The following SLC6A13 variants were observed in gnomAD, a reference collection of about 807,000 sequenced individuals.
The protein encoded by SLC6A13 is solute carrier family 6 member 13, also known as sodium- and chloride-dependent GABA transporter 2.
In SLC6A13, 69 loss-of-function variants were observed where a neutral mutation model predicts 72.9. That is an observed-to-expected ratio of 0.95 (90% CI 0.78 to 1.16). The LOEUF is 1.16. Among genes scored for constraint, SLC6A13 ranks in the 50% most tolerant of loss-of-function variants. The pLI is 0.00. For missense variants in SLC6A13, 735 were observed against 760.5 expected (o/e 0.97, Z 0.39); for synonymous variants, 303 against 303.0 (o/e 1.00, Z 0.00).
intron 8 of SLC6A13, 130 bp downstream of exon 8, chr12:227,435 G>C: frequency 6.7e-7 from 1 of 1,483,514 alleles, no homozygotes; most frequent in African/African-American, 1.4e-5. Context: ...CTGGGGTGTT[G>C]GATATGGGGG....
chr12:251,747 G>T (rs556680063), intron 2 of SLC6A13, among the ~76,000 whole-genome samples: 2 of 151,862 alleles, frequency 1.3e-5, no homozygotes, highest in Non-Finnish European at 2.9e-5. Flanking sequence ...GAGCCCAGGA[G>T]TTTGAGATCA....
At chr12:245,505 T>C (rs505574) in intron 2 of SLC6A13, among the ~76,000 whole-genome samples, 41,653 of 151,276 alleles carry the variant, frequency 0.28, 5,932 homozygotes, top group East Asian at 0.47. Context: ...TATAGTGAAA[T>C]CCTGTCTCTA....
chr12:237,457 G>A (rs1251395412), intron 5 of SLC6A13, among the ~76,000 whole-genome samples, 167 bp from the exon 6 acceptor site: 1 of 152,232 alleles, frequency 6.6e-6, no homozygotes, highest in Non-Finnish European at 1.5e-5. Context: ...TGGACATAAA[G>A]GTGGAGAATG....
chr12:242,827 G>A (rs573514201), intron 3 of SLC6A13, 73 bp from the exon 4 acceptor site: 13 of 1,410,920 alleles, frequency 9.2e-6, no homozygotes, highest in East Asian at 2.5e-5. Context: ...TCAGCTATGC[G>A]GGACGCTGAG....
chr12:260,130 CA>C (rs1349712672), intron 1 of SLC6A13, 73 bp from the exon 2 acceptor site: 1 of 1,506,054 alleles, frequency 6.6e-7, no homozygotes, highest in Non-Finnish European at 9.1e-7. Context: ...CTTTTACCAA[CA>C]AATCCATAAG....
At chr12:223,292 A>G in intron 11 of SLC6A13, 58 bp from the exon 12 acceptor site, 1 of 1,122,460 alleles carries the variant, frequency 8.9e-7, no homozygotes, top group South Asian at 1.4e-5. Flanking sequence ...AGAAAGATTC[A>G]CTCCTATGCC....
At chr12:242,852 T>A in intron 3 of SLC6A13, 98 bp from the exon 4 acceptor site, 1 of 1,132,272 alleles carries the variant, frequency 8.8e-7, no homozygotes, top group Non-Finnish European at 1.2e-6. Context: ...GAGGATTGTC[T>A]GAGGCTGGGA....
chr12:230,096 G>C (rs74620043), intron 7 of SLC6A13, among the ~76,000 whole-genome samples: 2 of 152,234 alleles, frequency 1.3e-5, no homozygotes, highest in Non-Finnish European at 1.5e-5. Context: ...GGAAGAGAAC[G>C]GGGTCAGAGC....
At chr12:224,857 G>C (rs75187986) in intron 9 of SLC6A13, among the ~76,000 whole-genome samples, 1 of 152,252 alleles carries the variant, frequency 6.6e-6, no homozygotes, top group Non-Finnish European at 1.5e-5. Flanking sequence ...GCAGGCCATA[G>C]AAGTTTGTGC....
intron 7 of SLC6A13, among the ~76,000 whole-genome samples, chr12:229,705 C>A (rs1941625274): frequency 6.6e-6 from 1 of 152,224 alleles, no homozygotes; most frequent in African/African-American, 2.4e-5. Context: ...GCGCCTTGGA[C>A]ATTTGCTCCC....
In SLC6A13 at chr12:221,012, G is replaced by A; in HGVS notation, c.1745C>T (p.Pro582Leu). 1 of 1,612,486 alleles carries A rather than the reference G, an allele frequency of 6.2e-7. No homozygotes were observed. The highest frequency in any genetic ancestry group is 1.3e-5 in the African/African-American group (1 of 75,036). Residue 582 changes from proline (P) to leucine (L), a missense_variant, in exon 15 of 15, where the codon CCC (proline) becomes CTC (leucine). Physicochemically the swap from Pro to Leu is moderately conservative, Grantham distance 98 (BLOSUM62 -3). Coordinates refer to ENST00000343164, the MANE Select transcript of SLC6A13 (RefSeq NM_016615.5). ...GGTCCTGGGGGTGGCGGGAGCCGAGGGTCCTGCTGGGTTCCGCTGGGGCAG... is the reference window on the plus strand; with the variant it reads ...GGTCCTGGGGGTGGCGGGAGCCGAGAGTCCTGCTGGGTTCCGCTGGGGCAG... ...EDLPQRNPAG[P>L]SAPATPRTSL... is the part of the protein sequence containing the mutation.
Position 242,712 on chromosome 12 carries a change from A to T in SLC6A13, c.380T>A (p.Val127Asp). 6.2e-7 allele frequency: 1 copy of T among 1,605,378 alleles called. No homozygotes were observed. Among genetic ancestry groups the T allele is most frequent in the South Asian group, 1.1e-5 (1 of 89,218 alleles). Residue 127 changes from valine to aspartate, a missense_variant, in exon 4 of 15, where the codon GTC (valine) becomes GAC (aspartate). By Grantham distance (152) the Val-to-Asp change is radical. Coordinates refer to ENST00000343164, the MANE Select transcript of SLC6A13 (RefSeq NM_016615.5). ...CCAGGCCAACACAATGATGTAGTAG[A>T]CGTTGAGGAGGATGACGATCATCTG... ...ASQMIVILLN[V>D]YYIIVLAWAL...
intron 7 of SLC6A13, among the ~76,000 whole-genome samples, chr12:233,503 A>T (rs1486968737): frequency 1.3e-5 from 2 of 152,154 alleles, no homozygotes; most frequent in Non-Finnish European, 2.9e-5. Flanking sequence ...GCCTCTGGAC[A>T]ACTGACAGGG....
At chr12:231,195 C>T (rs779802492) in intron 7 of SLC6A13, among the ~76,000 whole-genome samples, 68 of 152,182 alleles carry the variant, frequency 4.5e-4, no homozygotes, top group Non-Finnish European at 7.4e-4. Context: ...GTGGCCAGTC[C>T]CCAGGGGGAG....
At chr12:262,556 A>C in intron 1 of SLC6A13, 1 of 254,694 alleles carries the variant, frequency 3.9e-6, no homozygotes, top group Non-Finnish European at 6.2e-6. Flanking sequence ...CTTTCCTCTC[A>C]ATCTAGGGCT....
intron 7 of SLC6A13, among the ~76,000 whole-genome samples, chr12:234,507 T>TATA (rs1941845925): frequency 6.6e-6 from 1 of 152,080 alleles, no homozygotes; most frequent in African/African-American, 2.4e-5. Flanking sequence ...TTCATTTTAT[T>TATA]TTATTTTATT....
chr12:249,895 C>T (rs1255045067), intron 2 of SLC6A13, among the ~76,000 whole-genome samples: 1 of 151,920 alleles, frequency 6.6e-6, no homozygotes, highest in Non-Finnish European at 1.5e-5. Flanking sequence ...GTTAATAGGA[C>T]AATATATTAT....
At chr12:238,843 C>T (rs1241563181) in intron 4 of SLC6A13, among the ~76,000 whole-genome samples, 1 of 152,150 alleles carries the variant, frequency 6.6e-6, no homozygotes, top group Non-Finnish European at 1.5e-5. Context: ...CCACCCGGTA[C>T]AGGGTGGCAG....
intron 4 of SLC6A13, among the ~76,000 whole-genome samples, chr12:242,296 G>A (rs1942194071): frequency 6.6e-6 from 1 of 151,950 alleles, no homozygotes; most frequent in Admixed American, 6.6e-5. Context: ...CCAGAGAGAA[G>A]ATACGCGAAA....
Sources: gnomAD v4.1 joint callset for allele counts (sites outside exome capture counted in the v4.1 genomes callset) on GRCh38, gnomAD v4.1.1 for gene constraint, MANE v1.5 for transcripts, NCBI Gene and HGNC (gene_info 2026-07-23, HGNC 2026-07-21) for gene names.